The following KLHL8 variants were observed in gnomAD, a reference collection of about 807,000 sequenced individuals.
The protein encoded by KLHL8 is kelch-like protein 8.
A neutral mutation model predicts 63.5 loss-of-function variants in KLHL8; 38 were observed. The observed-to-expected ratio is 0.60, with a 90% confidence interval of 0.46 to 0.78. The LOEUF (loss-of-function observed/expected upper bound fraction) is 0.78, where lower values mean the gene tolerates loss of function less well. Ranked by LOEUF, KLHL8 falls within the 30% of genes least tolerant of loss-of-function variation. The probability of loss-of-function intolerance (pLI) is 0.00; values close to 1 mark genes in which losing one functional copy is unlikely to be tolerated. For synonymous variants in KLHL8, 224 were observed against 254.3 expected, an observed-to-expected ratio of 0.88 and a Z score of 1.13; for missense variants, 566 against 752.4, an observed-to-expected ratio of 0.75 and a Z score of 2.90.
At chr4:87,211,459 T>A (rs1342684960) in intron 1 of KLHL8, among the ~76,000 whole-genome samples, 1 of 152,202 alleles carries the variant, frequency 6.6e-6, no homozygotes, top group African/African-American at 2.4e-5. Flanking sequence ...ACTCAAAGTA[T>A]ACATGACTTC....
chr4:87,217,597 TG>T (rs1241539899), intron 1 of KLHL8, among the ~76,000 whole-genome samples: 1 of 151,924 alleles, frequency 6.6e-6, no homozygotes, highest in African/African-American at 2.4e-5. Flanking sequence ...TGGCCTGCTT[TG>T]GCTTCTGAAA....
intron 1 of KLHL8, among the ~76,000 whole-genome samples, chr4:87,215,777 A>G (rs1157978067): frequency 6.6e-6 from 1 of 152,248 alleles, no homozygotes; most frequent in Non-Finnish European, 1.5e-5. Context: ...TTTAAATGTT[A>G]TAAATGAAAA....
chr4:87,178,657 C>A, intron 4 of KLHL8, 37 bp from the exon 5 acceptor site: 1 of 1,473,246 alleles, frequency 6.8e-7, no homozygotes, highest in Non-Finnish European at 9.0e-7. Context: ...TAAATCATAG[C>A]TGCCAAGTTG....
At chr4:87,215,985 A>G (rs1202722632) in intron 1 of KLHL8, among the ~76,000 whole-genome samples, 2 of 152,248 alleles carry the variant, frequency 1.3e-5, no homozygotes, top group African/African-American at 4.8e-5. Flanking sequence ...AAGATTAAAC[A>G]CTTAATTTTC....
chr4:87,182,575 T>G, intron 4 of KLHL8, among the ~76,000 whole-genome samples: 1 of 152,264 alleles, frequency 6.6e-6, no homozygotes, highest in East Asian at 1.9e-4. Flanking sequence ...AAATATTTTA[T>G]TAAAAAGTGA....
intron 1 of KLHL8, among the ~76,000 whole-genome samples, chr4:87,219,135 T>G (rs1364979274): frequency 6.6e-6 from 1 of 152,222 alleles, no homozygotes; most frequent in African/African-American, 2.4e-5. Flanking sequence ...ACTAAAAGTT[T>G]GAAGTTTGAA....
intron 1 of KLHL8, among the ~76,000 whole-genome samples, chr4:87,197,149 T>C (rs1731730297): frequency 7.6e-6 from 1 of 131,242 alleles, no homozygotes; most frequent in Admixed American, 7.7e-5. Flanking sequence ...ACAGTGATCC[T>C]TAATGAGTCA....
intron 8 of KLHL8, chr4:87,167,216 C>A: frequency 1.9e-6 from 1 of 524,408 alleles, no homozygotes; most frequent in Non-Finnish European, 3.6e-6. Flanking sequence ...TCACCTGGAC[C>A]CAGATGTGTG....
At chr4:87,182,414 G>A (rs1175998896) in intron 4 of KLHL8, among the ~76,000 whole-genome samples, 1 of 151,844 alleles carries the variant, frequency 6.6e-6, no homozygotes, top group Non-Finnish European at 1.5e-5. Context: ...ATTGCCTTTT[G>A]TTGTTGTTTT....
In KLHL8 at chr4:87,185,648, TTTACCA is replaced by T. The variant is rs746212313; in HGVS notation, c.362_367del (p.Leu121_Lys123delinsTer). The T allele has an allele frequency of 1.2e-6, 2 of 1,614,190 alleles. No homozygotes were observed. The highest frequency in any genetic ancestry group is 3.3e-5 in the Admixed American group (2 of 60,032). On this transcript the variant is annotated stop_gained and inframe_deletion, in exon 3 of 10. Transcript: ENST00000273963. LOFTEE classifies it high-confidence loss of function. The stretch of plus-strand genomic sequence containing the variant: ...AGTGAGCCGTGAAGAATAGACAAAC[TTTACCA>T]AGTCTTCTATTGCATCACCATCAAA...
intron 2 of KLHL8, among the ~76,000 whole-genome samples, chr4:87,188,549 T>G (rs1355303344): frequency 6.6e-6 from 1 of 152,218 alleles, no homozygotes; most frequent in African/African-American, 2.4e-5. Flanking sequence ...TACACCCCTA[T>G]GTACCCTTTT....
At chr4:87,226,708 A>T (rs1246763569) in intron 1 of KLHL8, among the ~76,000 whole-genome samples, 4 of 820 alleles carry the variant, frequency 4.9e-3, no homozygotes, top group South Asian at 0.026. Context: ...TTTATATATA[A>T]TATATATTAT....
chr4:87,164,965 G>A lies in KLHL8; in HGVS notation c.1538-886C>T, dbSNP rs368665412. Among the ~76,000 whole-genome samples the A allele has an allele frequency of 8.0e-3, 1,208 of 151,868 alleles. 12 individuals are homozygous for A. The highest frequency in any genetic ancestry group is 0.027 in the African/African-American group (1,115 of 41,404). On this transcript the variant is annotated intron_variant, in intron 8 of 9. Coordinates refer to ENST00000273963, the MANE Select transcript of KLHL8 (RefSeq NM_020803.5). The stretch of plus-strand genomic sequence containing the variant: ...AGATCGAGACCATCCTGGCTAACAC[G>A]GTGAAACCCCGTCTCTACTAAAAAT...
At chr4:87,213,879 T>G (rs1732495224) in intron 1 of KLHL8, among the ~76,000 whole-genome samples, 2 of 152,176 alleles carry the variant, frequency 1.3e-5, no homozygotes, top group Admixed American at 6.5e-5. Context: ...AGCAGACACT[T>G]TAGAGCTAGA....
At chr4:87,171,871 G>C (rs1251117219) in intron 6 of KLHL8, among the ~76,000 whole-genome samples, 1 of 152,098 alleles carries the variant, frequency 6.6e-6, no homozygotes, top group Non-Finnish European at 1.5e-5. Context: ...TCTTTCCACA[G>C]ATTTGTGATA....
intron 1 of KLHL8, among the ~76,000 whole-genome samples, chr4:87,217,545 C>T (rs1405978097): frequency 1.3e-5 from 2 of 151,568 alleles, no homozygotes; most frequent in South Asian, 2.1e-4. Flanking sequence ...AGGGTTTCGC[C>T]GTGTTGTTCA....
intron 1 of KLHL8, among the ~76,000 whole-genome samples, chr4:87,227,253 G>A (rs1733047442): frequency 6.6e-6 from 1 of 151,638 alleles, no homozygotes; most frequent in African/African-American, 2.4e-5. Flanking sequence ...GCTGCTTAAA[G>A]GAAACTAATC....
intron 6 of KLHL8, among the ~76,000 whole-genome samples, chr4:87,176,505 T>A (rs1730821312): frequency 6.6e-6 from 1 of 152,128 alleles, no homozygotes; most frequent in African/African-American, 2.4e-5. Flanking sequence ...ATAAAATGTT[T>A]AAAAAAATCA....
At chr4:87,229,166 C>T (rs1021899520) in intron 1 of KLHL8, among the ~76,000 whole-genome samples, 1 of 152,156 alleles carries the variant, frequency 6.6e-6, no homozygotes, top group Non-Finnish European at 1.5e-5. Context: ...CTTTTATCAT[C>T]GGCTAAGACT....
Sources: gnomAD v4.1 joint callset for allele counts (sites outside exome capture counted in the v4.1 genomes callset) on GRCh38, gnomAD v4.1.1 for gene constraint, MANE v1.5 for transcripts, NCBI Gene and HGNC (gene_info 2026-07-23, HGNC 2026-07-21) for gene names.